Variants in CADM2 observed in about 807,000 individuals in gnomAD.
The protein encoded by CADM2 is immunoglobulin superfamily member 4D.
In CADM2, 12 loss-of-function variants were observed where a neutral mutation model predicts 49.8. The observed-to-expected ratio is 0.24, with a 90% CI of 0.15 to 0.39. The LOEUF is 0.39. Ranked by LOEUF, CADM2 falls within the 10% of genes least tolerant of loss-of-function variation. The pLI is 1.00. For synonymous variants in CADM2, 214 were observed against 175.4 expected, an observed-to-expected ratio of 1.22 and a Z score of -1.74; for missense variants, 378 against 492.3, an observed-to-expected ratio of 0.77 and a Z score of 2.20.
chr3:85,522,673 A>G (rs1199107714), intron 1 of CADM2, among the ~76,000 whole-genome samples: 1 of 152,136 alleles, frequency 6.6e-6, no homozygotes, highest in Admixed American at 6.6e-5. Context: ...CCACCAAGAA[A>G]TCAAGAAGCT....
intron 1 of CADM2, among the ~76,000 whole-genome samples, chr3:84,999,549 G>A (rs1265183827): frequency 6.6e-6 from 1 of 152,012 alleles, no homozygotes; most frequent in Non-Finnish European, 1.5e-5. Flanking sequence ...CATCTGCATA[G>A]AGCACAAAAA....
chr3:85,039,519 C>T (rs1178518238), intron 1 of CADM2, among the ~76,000 whole-genome samples: 3 of 152,080 alleles, frequency 2.0e-5, no homozygotes. Context: ...TTTCTTAAAG[C>T]TATGGTATAC....
chr3:84,993,178 G>A lies in CADM2; in HGVS notation c.61+33510G>A, dbSNP rs142232769. ...ATTCTTGGGGGTGGGCTTGTTTATC[G>A]GGCCCAAGTGGGAACCCAGAGAGTT... On this transcript the variant is annotated intron_variant, in intron 1 of 9. Transcript: ENST00000383699. Among the ~76,000 whole-genome samples, 10 of 152,036 alleles carry A rather than the reference G, an allele frequency of 6.6e-5. No individual in the cohort carries two copies. In the South Asian group the frequency reaches 1.0e-3, roughly 16 times the overall value.
At chr3:85,546,607 G>C (rs147984969) in intron 1 of CADM2, among the ~76,000 whole-genome samples, 1 of 152,042 alleles carries the variant, frequency 6.6e-6, no homozygotes, top group Admixed American at 6.6e-5. Flanking sequence ...TTGGATAAAA[G>C]ATAATAAAAG....
At chr3:85,327,296 C>T (rs2044779814) in intron 1 of CADM2, among the ~76,000 whole-genome samples, 1 of 151,824 alleles carries the variant, frequency 6.6e-6, no homozygotes, top group African/African-American at 2.4e-5. Context: ...CTCAGTGTTG[C>T]CCAGGCTGGA....
chr3:85,916,785 C>T lies in CADM2; in HGVS notation c.700+4242C>T, dbSNP rs1220573258. Reference sequence around the variant, plus strand: ...ATGGTTGAACTAGTTTACAGTCCCACCAACAGTGTAAAAGTGTTTCTATTT... The same window carrying T: ...ATGGTTGAACTAGTTTACAGTCCCATCAACAGTGTAAAAGTGTTTCTATTT... On this transcript the variant is annotated intron_variant, in intron 6 of 9. Transcript: ENST00000383699. Among the ~76,000 whole-genome samples, 4 of 152,216 alleles carry T rather than the reference C, an allele frequency of 2.6e-5. No individual in the cohort carries two copies. In the East Asian group the frequency reaches 7.8e-4, roughly 30 times the overall value.
At chr3:85,355,613 A>G (rs1314482417) in intron 1 of CADM2, among the ~76,000 whole-genome samples, 2 of 152,262 alleles carry the variant, frequency 1.3e-5, no homozygotes, top group Non-Finnish European at 2.9e-5. Flanking sequence ...TAGAGCAGGG[A>G]CAAAACAATT....
intron 1 of CADM2, among the ~76,000 whole-genome samples, chr3:85,263,863 C>G (rs1458284550): frequency 6.6e-6 from 1 of 152,044 alleles, no homozygotes; most frequent in Non-Finnish European, 1.5e-5. Context: ...AAATATGCAA[C>G]TATATTTTAA....
chr3:85,605,194 G>A (rs762325654), intron 1 of CADM2, among the ~76,000 whole-genome samples: 1 of 151,996 alleles, frequency 6.6e-6, no homozygotes, highest in Non-Finnish European at 1.5e-5. Context: ...AGAGCTCTCA[G>A]CATGTATAAT....
At chr3:85,384,224 AG>A in intron 1 of CADM2, among the ~76,000 whole-genome samples, 1 of 128,950 alleles carries the variant, frequency 7.8e-6, no homozygotes, top group African/African-American at 5.0e-5. Context: ...GATTATGTAG[AG>A]AGTATCCATA....
chr3:86,013,280 G>T (rs1468496754), intron 8 of CADM2: 46 of 1,525,204 alleles, frequency 3.0e-5, no homozygotes, highest in Non-Finnish European at 3.9e-5. Context: ...AGGGTGAAGG[G>T]CAAGATGAGG....
chr3:84,979,218 A>G (rs2032016311), intron 1 of CADM2, among the ~76,000 whole-genome samples: 1 of 152,226 alleles, frequency 6.6e-6, no homozygotes. Flanking sequence ...TTATATAATG[A>G]TGAAATTTAT....
chr3:85,842,824 T>C (rs1020406318), intron 3 of CADM2, among the ~76,000 whole-genome samples: 1 of 152,148 alleles, frequency 6.6e-6, no homozygotes, highest in African/African-American at 2.4e-5. Flanking sequence ...CATAAATAAT[T>C]ATATTAAATT....
chr3:85,052,782 G>A (rs1243293179), intron 1 of CADM2, among the ~76,000 whole-genome samples: 3 of 151,914 alleles, frequency 2.0e-5, no homozygotes, highest in African/African-American at 4.8e-5. Context: ...GTTTAGATTT[G>A]CAAAATGTTT....
chr3:85,787,112 A>C (rs1057276993), intron 2 of CADM2, among the ~76,000 whole-genome samples: 1 of 152,086 alleles, frequency 6.6e-6, no homozygotes. Context: ...TAAGCCAGCA[A>C]TAAAATAAAT....
At chr3:85,490,547 G>C (rs1241003473) in intron 1 of CADM2, among the ~76,000 whole-genome samples, 1 of 152,056 alleles carries the variant, frequency 6.6e-6, no homozygotes, top group Non-Finnish European at 1.5e-5. Flanking sequence ...TTATGCCACT[G>C]TACTCCAGTA....
At chr3:85,400,192 A>G (rs2035026331) in intron 1 of CADM2, among the ~76,000 whole-genome samples, 1 of 152,268 alleles carries the variant, frequency 6.6e-6, no homozygotes, top group Non-Finnish European at 1.5e-5. Context: ...CCTTTTCTGC[A>G]TCTATTGAGA....
chr3:85,083,632 GGTATATA>G (rs1189281764), intron 1 of CADM2, among the ~76,000 whole-genome samples: 4 of 151,870 alleles, frequency 2.6e-5, no homozygotes, highest in Non-Finnish European at 5.9e-5. Flanking sequence ...GTTGTCTTAT[GGTATATA>G]GTTTTGGGAG....
chr3:85,822,039 G>A (rs1222698633), intron 3 of CADM2, among the ~76,000 whole-genome samples: 1 of 152,086 alleles, frequency 6.6e-6, no homozygotes, highest in South Asian at 2.1e-4. Flanking sequence ...TGCATATTTA[G>A]AATGAACATC....
Sources: gnomAD v4.1 joint callset for allele counts (sites outside exome capture counted in the v4.1 genomes callset) on GRCh38, gnomAD v4.1.1 for gene constraint, MANE v1.5 for transcripts, NCBI Gene and HGNC (gene_info 2026-07-23, HGNC 2026-07-21) for gene names.